Variants in CNTLN observed in about 807,000 individuals in gnomAD.
CNTLN encodes centlein, also known as centlein, centrosomal protein.
In CNTLN, 212 loss-of-function variants were observed where a neutral mutation model predicts 180.0. The ratio of observed to expected loss-of-function variants is 1.18; its 90% CI spans 1.05 to 1.32. CNTLN has a LOEUF of 1.32. Among genes scored for constraint, CNTLN ranks in the 40% most tolerant of loss-of-function variants. The pLI is 0.00. For synonymous variants in CNTLN, 722 were observed against 563.1 expected (o/e 1.28, Z -3.99); for missense variants, 2,095 against 1,610.9 (o/e 1.30, Z -5.14).
intron 7 of CNTLN, chr9:17,299,616 G>T: frequency 1.0e-6 from 1 of 985,384 alleles, no homozygotes; most frequent in African/African-American, 1.7e-5. Flanking sequence ...TAGCAAGCAG[G>T]AAGATACAGT....
chr9:17,155,631 A>C (rs1404394501), intron 2 of CNTLN, among the ~76,000 whole-genome samples: 1 of 152,112 alleles, frequency 6.6e-6, no homozygotes, highest in Non-Finnish European at 1.5e-5. Context: ...TGACTGTCCC[A>C]GGTGGATCTC....
chr9:17,146,721 G>C (rs1037951124), intron 2 of CNTLN, among the ~76,000 whole-genome samples: 1 of 152,104 alleles, frequency 6.6e-6, no homozygotes, highest in African/African-American at 2.4e-5. Context: ...TGTTATAGCA[G>C]CCCAAATGGA....
chr9:17,370,043 A>G (rs1474675600), intron 13 of CNTLN, among the ~76,000 whole-genome samples: 3 of 152,216 alleles, frequency 2.0e-5, no homozygotes, highest in East Asian at 1.9e-4. Context: ...ACAATGAAGC[A>G]TGCCTACAAG....
intron 25 of CNTLN, among the ~76,000 whole-genome samples, chr9:17,500,915 G>A (rs932574514): frequency 6.6e-6 from 1 of 152,120 alleles, no homozygotes. Flanking sequence ...CTTTGTCCAA[G>A]GTAACTCTTT....
At chr9:17,284,302 CT>C (rs1828843304) in intron 6 of CNTLN, among the ~76,000 whole-genome samples, 1 of 152,148 alleles carries the variant, frequency 6.6e-6, no homozygotes, top group African/African-American at 2.4e-5. Context: ...GCAGACCCTC[CT>C]TTTCAATTGT....
At chr9:17,214,648 G>C (rs1823597929) in intron 2 of CNTLN, among the ~76,000 whole-genome samples, 2 of 152,180 alleles carry the variant, frequency 1.3e-5, no homozygotes, top group South Asian at 4.1e-4. Context: ...CCTGCAGAGT[G>C]TTTTCCATCT....
chr9:17,509,177 AC>A, the CNTLN span, among the ~76,000 whole-genome samples: 27 of 152,332 alleles, frequency 1.8e-4, no homozygotes, highest in Admixed American at 3.9e-4. Context: ...ACCAAGGCTG[AC>A]CTGGCTATGG....
chr9:17,509,960 G>A, the CNTLN span, among the ~76,000 whole-genome samples: 1 of 152,164 alleles, frequency 6.6e-6, no homozygotes, highest in Non-Finnish European at 1.5e-5. Context: ...GGGTTACATT[G>A]CTGGCTGGGG....
intron 18 of CNTLN, among the ~76,000 whole-genome samples, chr9:17,417,065 C>T (rs1321873802): frequency 1.3e-5 from 2 of 152,044 alleles, no homozygotes; most frequent in South Asian, 2.1e-4. Context: ...CCAGAGTAGC[C>T]TTATACCCAA....
chr9:17,490,595 G>A (rs779713227), intron 25 of CNTLN, among the ~76,000 whole-genome samples: 3 of 151,964 alleles, frequency 2.0e-5, no homozygotes, highest in African/African-American at 4.8e-5. Context: ...TATAGAGAGT[G>A]ACTGCTTACG....
chr9:17,446,294 C>T (rs2584537), intron 18 of CNTLN, among the ~76,000 whole-genome samples: 74,016 of 152,026 alleles, frequency 0.49, 20,033 homozygotes, highest in Non-Finnish European at 0.61. Flanking sequence ...TTACGAGAAA[C>T]ACCCACAGGT....
intron 2 of CNTLN, among the ~76,000 whole-genome samples, chr9:17,190,729 A>G (rs1403010331): frequency 6.6e-6 from 1 of 152,174 alleles, no homozygotes; most frequent in East Asian, 1.9e-4. Context: ...CTTTGATTTT[A>G]GACTTGAAAA....
At chr9:17,170,577 G>C (rs1014033116) in intron 2 of CNTLN, among the ~76,000 whole-genome samples, 2 of 151,924 alleles carry the variant, frequency 1.3e-5, no homozygotes, top group Non-Finnish European at 2.9e-5. Flanking sequence ...TCTTCTGCTT[G>C]ATTAAATCTG....
intron 2 of CNTLN, among the ~76,000 whole-genome samples, chr9:17,217,428 C>T (rs529369845): frequency 1.3e-5 from 2 of 152,214 alleles, no homozygotes; most frequent in African/African-American, 2.4e-5. Context: ...TAATTGTAGT[C>T]AAGCCTGAGT....
the CNTLN span, among the ~76,000 whole-genome samples, chr9:17,511,310 G>C: frequency 0.087 from 13,302 of 152,086 alleles, 1,915 homozygotes; most frequent in African/African-American, 0.3. Flanking sequence ...AAGGAACTTT[G>C]AAAAAGCAGG....
chr9:17,181,902 C>T (rs1282271339), intron 2 of CNTLN, among the ~76,000 whole-genome samples: 3 of 152,160 alleles, frequency 2.0e-5, no homozygotes, highest in Admixed American at 6.6e-5. Context: ...GGAAGGGAGC[C>T]TTGTTATTGC....
chr9:17,356,675 A>G (rs188450321), intron 12 of CNTLN, among the ~76,000 whole-genome samples: 14 of 152,314 alleles, frequency 9.2e-5, no homozygotes, highest in African/African-American at 2.6e-4. Flanking sequence ...TGTTACTTCA[A>G]TAAATATGCT....
chr9:17,346,223 G>C (rs1371268102), intron 12 of CNTLN, among the ~76,000 whole-genome samples: 1 of 152,072 alleles, frequency 6.6e-6, no homozygotes, highest in Non-Finnish European at 1.5e-5. Flanking sequence ...AAAACCATCA[G>C]ATCTCACTAG....
Position 17,362,120 on chromosome 9 carries a change from A to G in CNTLN, c.1887-4497A>G, listed in dbSNP as rs181158817. On this transcript the variant is annotated intron_variant, in intron 12 of 25. Transcript: ENST00000380647. ...ACTGTGTGTGTTCTTTCCAAAAGAA[A>G]CAAGCTGTAAGTATAAAGTATGTTT... is the stretch of plus-strand genomic sequence containing the variant. 8.5e-5 allele frequency among the ~76,000 whole-genome samples: 13 copies of G among 152,358 alleles called. No individual in the cohort carries two copies. In the East Asian group the frequency reaches 1.9e-3, roughly 23 times the overall value.
Sources: gnomAD v4.1 joint callset for allele counts (sites outside exome capture counted in the v4.1 genomes callset) on GRCh38, gnomAD v4.1.1 for gene constraint, MANE v1.5 for transcripts, NCBI Gene and HGNC (gene_info 2026-07-23, HGNC 2026-07-21) for gene names.